SVIL: variants seen among roughly 807,000 people sequenced by gnomAD.
SVIL encodes the protein supervillin.
SVIL carries 101 observed loss-of-function variants against 240.4 expected under a neutral mutation model. The ratio of observed to expected loss-of-function variants is 0.42; its 90% confidence interval spans 0.36 to 0.50. The LOEUF (loss-of-function observed/expected upper bound fraction) is 0.50, where lower values mean the gene tolerates loss of function less well. Ranked by LOEUF, SVIL falls within the 20% of genes least tolerant of loss-of-function variation. The probability of loss-of-function intolerance (pLI) is 0.01; values close to 1 mark genes in which losing one functional copy is unlikely to be tolerated. For synonymous variants in SVIL, 999 were observed against 1,100.0 expected (o/e 0.91, Z 1.82); for missense variants, 2,512 against 2,818.7 (o/e 0.89, Z 2.46).
rs187493115 is a variant in SVIL at position 29,718,053 on chromosome 10, C to T, written c.-400+17698G>A. On this transcript the variant is annotated intron_variant, in intron 1 of 35. Coordinates refer to the SVIL transcript ENST00000375400. ...TAATTTCACCTGTTTCGTGGCCAGG[C>T]GCAGTGGCTCACACCTGTAATCCCA... Among the ~76,000 whole-genome samples the T allele has an allele frequency of 1.8e-3, 281 of 152,178 alleles. 2 individuals carry two copies. The highest frequency in any genetic ancestry group is 4.9e-3 in the African/African-American group (205 of 41,500).
intron 7 of SVIL, among the ~76,000 whole-genome samples, chr10:29,534,537 T>C (rs1951606769): frequency 6.6e-6 from 1 of 152,060 alleles, no homozygotes; most frequent in Admixed American, 6.6e-5. Flanking sequence ...TAAAGAGAGA[T>C]TGCTCCAGTT....
chr10:29,648,226 CT>C (rs1181741323), intron 3 of SVIL, among the ~76,000 whole-genome samples: 1 of 152,174 alleles, frequency 6.6e-6, no homozygotes, highest in African/African-American at 2.4e-5. Flanking sequence ...ACGTTTGCCC[CT>C]GAATTCTCCC....
At chr10:29,483,664 T>TA (rs1055319709) in intron 27 of SVIL, 7 of 152,340 alleles carry the variant, frequency 4.6e-5, no homozygotes, top group Non-Finnish European at 1.0e-4. Context: ...CTATACCAAA[T>TA]AAAATCTTCT....
At chr10:29,686,587 C>T (rs1961085123) in exon 2 of SVIL, 1 of 152,080 alleles carries the variant, frequency 6.6e-6, no homozygotes, top group African/African-American at 2.4e-5. Flanking sequence ...AGTGAGAATC[C>T]ACCATCTCTT....
intron 1 of SVIL, among the ~76,000 whole-genome samples, chr10:29,714,239 T>C (rs753331376): frequency 6.6e-6 from 1 of 152,220 alleles, no homozygotes; most frequent in Non-Finnish European, 1.5e-5. Context: ...AGTGCAAAGC[T>C]ATCCTGAGTC....
intron 16 of SVIL, among the ~76,000 whole-genome samples, chr10:29,520,802 G>A (rs1950510907): frequency 2.0e-5 from 3 of 151,978 alleles, no homozygotes; most frequent in Admixed American, 2.0e-4. Context: ...TGCAGTCCCA[G>A]CTACTGGGGA....
chr10:29,471,852 A>T (rs1269487054), intron 30 of SVIL, among the ~76,000 whole-genome samples: 1 of 152,240 alleles, frequency 6.6e-6, no homozygotes, highest in Non-Finnish European at 1.5e-5. Flanking sequence ...CACTGAGAGA[A>T]AGCATTTCTC....
chr10:29,562,101 G>A (rs780077639), intron 3 of SVIL, among the ~76,000 whole-genome samples: 3 of 151,852 alleles, frequency 2.0e-5, no homozygotes, highest in Non-Finnish European at 4.4e-5. Flanking sequence ...ATTTCTTTGG[G>A]GCATGATTTT....
chr10:29,474,072 C>T (rs1945895217), intron 29 of SVIL, 83 bp from the exon 30 acceptor site: 2 of 1,526,548 alleles, frequency 1.3e-6, no homozygotes, highest in Non-Finnish European at 1.8e-6. Flanking sequence ...TTTCCCCGGG[C>T]CTGCAAGGAC....
At chr10:29,564,514 A>G (rs1488127084) in intron 2 of SVIL, among the ~76,000 whole-genome samples, 1 of 152,112 alleles carries the variant, frequency 6.6e-6, no homozygotes, top group East Asian at 1.9e-4. Context: ...GAAAAGACTC[A>G]CTGTGAAGCT....
chr10:29,665,666 C>A (rs1004843680), intron 2 of SVIL, among the ~76,000 whole-genome samples: 1 of 151,808 alleles, frequency 6.6e-6, no homozygotes, highest in Non-Finnish European at 1.5e-5. Flanking sequence ...TGGTGGCGGA[C>A]GCCTGTAGTC....
rs750510403 is a variant in SVIL, at chr10:29,533,086, T to C, written c.1281A>G (p.Ala427=). 6.2e-7 allele frequency: 1 copy of C among 1,613,910 alleles called. No homozygotes were observed. Among genetic ancestry groups the C allele is most frequent in the Non-Finnish European group, 8.5e-7 (1 of 1,179,948 alleles). ...SPVLHVCESK[A]EEEEGEGEGE... is the part of the protein sequence containing the mutation. Reference sequence around the variant, plus strand: ...CTTCTCCTTCCCCTTCTTCTTCTTCTGCTTTTGACTCGCAGACATGGAGAA... The same window carrying C: ...CTTCTCCTTCCCCTTCTTCTTCTTCCGCTTTTGACTCGCAGACATGGAGAA... The change falls in exon 8 of 38, where the codon GCA becomes GCG. Residue 427 remains alanine, a synonymous_variant. Transcript: ENST00000355867.
chr10:29,633,094 G>A (rs192913897), intron 1 of SVIL, among the ~76,000 whole-genome samples: 9 of 152,206 alleles, frequency 5.9e-5, no homozygotes, highest in African/African-American at 2.2e-4. Flanking sequence ...AAATTAGCTG[G>A]ATATGGTGCC....
chr10:29,458,277 C>T lies in SVIL; in HGVS notation c.6615G>A (p.Val2205=), dbSNP rs1481827649. The T allele has an allele frequency of 6.2e-7, 1 of 1,614,142 alleles. No homozygotes were observed. Among genetic ancestry groups the T allele is most frequent in the African/African-American group, 1.3e-5 (1 of 74,958 alleles). The change falls in exon 38 of 38, where the codon GTG becomes GTA. Residue 2205 remains valine (V), a synonymous_variant. Transcript: ENST00000355867. ...ACAGGCCTTTTGCTTTCTTCAGGTT[C>T]ACCTGCTTCCAGGCGGGCAGGGCGT... ...EYNALPAWKQ[V]NLKKAKGLF is the part of the protein sequence containing the mutation.
chr10:29,621,133 T>A (rs1241931205), intron 1 of SVIL, among the ~76,000 whole-genome samples: 1 of 152,128 alleles, frequency 6.6e-6, no homozygotes, highest in African/African-American at 2.4e-5. Flanking sequence ...TAATAATACA[T>A]CACTACCTCC....
At chr10:29,558,758 C>G (rs1954175708) in intron 3 of SVIL, among the ~76,000 whole-genome samples, 1 of 151,140 alleles carries the variant, frequency 6.6e-6, no homozygotes, top group South Asian at 2.1e-4. Flanking sequence ...GAAACCCCGT[C>G]TCAACTAAAA....
At chr10:29,584,891 A>T (rs7088745) in intron 1 of SVIL, among the ~76,000 whole-genome samples, 4,208 of 152,178 alleles carry the variant, frequency 0.028, 192 homozygotes, top group African/African-American at 0.096. Context: ...CTTGGTCTTC[A>T]GGTGGTGAGA....
At chr10:29,521,985 C>CT (rs1226563984) in intron 16 of SVIL, among the ~76,000 whole-genome samples, 25 of 152,226 alleles carry the variant, frequency 1.6e-4, no homozygotes, top group African/African-American at 5.3e-4. Context: ...TTCACTCCCT[C>CT]TACACATATT....
intron 5 of SVIL, among the ~76,000 whole-genome samples, chr10:29,551,514 C>T (rs983165900): frequency 6.6e-6 from 1 of 152,256 alleles, no homozygotes; most frequent in African/African-American, 2.4e-5. Flanking sequence ...GTGGCTTTAA[C>T]TTCAGCTCAG....
Sources: allele counts gnomAD v4.1 joint callset (sites outside exome capture counted in the v4.1 genomes callset), GRCh38; gene constraint gnomAD v4.1.1; transcripts MANE v1.5; gene names NCBI Gene and HGNC (gene_info 2026-07-23, HGNC 2026-07-21).